LPAR5: variants seen among roughly 807,000 people sequenced by gnomAD.
LPAR5 encodes G protein-coupled receptor 92.
For synonymous variants in LPAR5, 271 were observed against 261.6 expected, an observed-to-expected ratio of 1.04 and a Z score of -0.35; for missense variants, 544 against 521.8, an observed-to-expected ratio of 1.04 and a Z score of -0.41.
rs1436830945 is a variant in LPAR5, at chr12:6,631,205, CACAG to C, written c.-217+4698_-217+4701del. Among the ~76,000 whole-genome samples the C allele has an allele frequency of 5.9e-5, 9 of 152,312 alleles. No homozygotes were observed. In the East Asian group the frequency reaches 1.7e-3, roughly 29 times the overall value. Reference sequence around the variant, plus strand: ...GTATACCACTCATTACACGTGTGTGCACAGACACATATACACACACGCTAAGAGA... The same window carrying C: ...GTATACCACTCATTACACGTGTGTGCACACATATACACACACGCTAAGAGA... On this transcript the variant is annotated intron_variant, in intron 1 of 1. Transcript: ENST00000329858.
chr12:6,628,225 A>G (rs535790043), intron 1 of LPAR5, among the ~76,000 whole-genome samples: 4 of 151,884 alleles, frequency 2.6e-5, no homozygotes, highest in South Asian at 2.1e-4. Flanking sequence ...GTTTCACTGT[A>G]TTAGCCAGGA....
At chr12:6,625,493 G>A (rs1179244213) in intron 1 of LPAR5, among the ~76,000 whole-genome samples, 10 of 147,220 alleles carry the variant, frequency 6.8e-5, no homozygotes, top group Middle Eastern at 4.0e-3. Context: ...AGGCCAAGGC[G>A]GGCGGATCAC....
intron 1 of LPAR5, among the ~76,000 whole-genome samples, chr12:6,632,882 C>T (rs375848194): frequency 2.0e-5 from 3 of 152,152 alleles, no homozygotes; most frequent in East Asian, 1.9e-4. Flanking sequence ...GTCTCTGGCA[C>T]GGATCCCGGG....
chr12:6,630,086 G>A (rs969731705), intron 1 of LPAR5, among the ~76,000 whole-genome samples: 9 of 152,084 alleles, frequency 5.9e-5, no homozygotes, highest in East Asian at 1.9e-4. Flanking sequence ...AGGAAATGGC[G>A]ATGCTCTCTT....
At chr12:6,627,772 C>T (rs2136243416) in intron 1 of LPAR5, among the ~76,000 whole-genome samples, 1 of 152,210 alleles carries the variant, frequency 6.6e-6, no homozygotes, top group East Asian at 1.9e-4. Context: ...TTAGCAGGTC[C>T]TGAGCGATAC....
At chr12:6,624,966 T>A (rs1036939028) in intron 1 of LPAR5, among the ~76,000 whole-genome samples, 1 of 152,178 alleles carries the variant, frequency 6.6e-6, no homozygotes, top group Admixed American at 6.5e-5. Context: ...TTGTATAATG[T>A]TTTGCTCATC....
chr12:6,632,902 G>A (rs936128712), intron 1 of LPAR5, among the ~76,000 whole-genome samples: 3 of 152,134 alleles, frequency 2.0e-5, no homozygotes, highest in Non-Finnish European at 2.9e-5. Flanking sequence ...GTGTCAGGTC[G>A]TGTCTTCCCT....
Position 6,620,269 on chromosome 12 carries a change from G to A in LPAR5, c.980C>T (p.Ala327Val), listed in dbSNP as rs773509181. 2 of 1,605,894 alleles carry A rather than the reference G, an allele frequency of 1.2e-6. No homozygotes were observed. The highest frequency in any genetic ancestry group is 2.2e-5 in the South Asian group (2 of 90,430). Residue 327 changes from alanine to valine, a missense_variant, in exon 2 of 2, where the codon GCG becomes GTG. By Grantham distance (64) the Ala-to-Val change is moderately conservative. Coordinates refer to ENST00000329858, the MANE Select transcript of LPAR5 (RefSeq NM_020400.6). This position sits in a 1 kb window ranked among gnomAD's most constrained non-coding sequence, Gnocchi z 6.8. ...ARTSATNGTR[A>V]ALAQSERSAV... is the part of the protein sequence containing the mutation. Reference sequence around the variant, plus strand: ...GGACCTTTCGGATTGCGCGAGCGCCGCCCGCGTCCCGTTGGTGGCCGAGGT... The same window carrying A: ...GGACCTTTCGGATTGCGCGAGCGCCACCCGCGTCCCGTTGGTGGCCGAGGT...
At chr12:6,629,992 C>G (rs1350772369) in intron 1 of LPAR5, among the ~76,000 whole-genome samples, 1 of 152,044 alleles carries the variant, frequency 6.6e-6, no homozygotes, top group Non-Finnish European at 1.5e-5. Context: ...CCACTGCACT[C>G]CAGCCTGGGT....
intron 1 of LPAR5, among the ~76,000 whole-genome samples, chr12:6,626,748 A>G (rs1948943078): frequency 6.6e-6 from 1 of 152,096 alleles, no homozygotes; most frequent in African/African-American, 2.4e-5. Flanking sequence ...CCGTTCTCCA[A>G]CTGGCAAGCC....
chr12:6,619,420 G>A lies in LPAR5; in HGVS notation c.*710C>T, dbSNP rs991230551. On this transcript the variant is annotated 3_prime_UTR_variant, in exon 2 of 2. Coordinates refer to ENST00000329858, the MANE Select transcript of LPAR5 (RefSeq NM_020400.6). ...AGAGAGAAAAAGAAAGAATATTAAG[G>A]ACCTAAAATGGAGGAGGCCTGGAAA... 1.3e-5 allele frequency: 2 copies of A among 153,666 alleles called. No homozygotes were observed. The highest frequency in any genetic ancestry group is 2.9e-5 in the Non-Finnish European group (2 of 69,084). 9.5% of individuals were successfully genotyped at this position (153,666 alleles called of 1,614,324 possible).
rs145165807 is a variant in LPAR5 at position 6,628,473 on chromosome 12, T to C, written c.-216-7009A>G. On this transcript the variant is annotated intron_variant, in intron 1 of 1. Coordinates refer to ENST00000329858, the MANE Select transcript of LPAR5 (RefSeq NM_020400.6). ...TTCCTTCCTTCCTTCCTTTTCTTTT[T>C]TGAGATGGAGTTTCGCATGCTCTGT... is the stretch of plus-strand genomic sequence containing the variant. Among the ~76,000 whole-genome samples, 28 of 152,076 alleles carry C rather than the reference T, an allele frequency of 1.8e-4. No homozygotes were observed. In the East Asian group the frequency reaches 5.4e-3, roughly 29 times the overall value.
In LPAR5 at chr12:6,620,679, G is replaced by T; in HGVS notation, c.570C>A (p.Pro190=). ...CCAGCGCCTCGGCCAGCAGCACGAG[G>T]GGCAGCAGCCTGCCTTTCCACAGCT... ...SDELWKGRLL[P]LVLLAEALGF... The change falls in exon 2 of 2, where the codon CCC becomes CCA. Residue 190 remains proline, a synonymous_variant. Transcript: ENST00000329858. This position sits in a 1 kb window ranked among gnomAD's most constrained non-coding sequence, Gnocchi z 6.8. 1.3e-6 allele frequency: 2 copies of T among 1,566,070 alleles called. No homozygotes were observed. The highest frequency in any genetic ancestry group is 8.7e-7 in the Non-Finnish European group (1 of 1,155,362).
chr12:6,620,683 A>T lies in LPAR5; in HGVS notation c.566T>A (p.Leu189Gln). ...FSDELWKGRL[L>Q]PLVLLAEALG... ...CGCCTCGGCCAGCAGCACGAGGGGC[A>T]GCAGCCTGCCTTTCCACAGCTCGTC... The change falls in exon 2 of 2, where the codon CTG (leucine) becomes CAG (glutamine). Residue 189 changes from leucine to glutamine, a missense_variant. Leu to Gln is a moderately radical substitution (Grantham distance 113). Transcript: ENST00000329858. This position sits in a 1 kb window ranked among gnomAD's most constrained non-coding sequence, Gnocchi z 6.8. The T allele has an allele frequency of 1.3e-6, 2 of 1,568,114 alleles. No homozygotes were observed. The highest frequency in any genetic ancestry group is 1.7e-6 in the Non-Finnish European group (2 of 1,156,408).
chr12:6,629,233 A>G (rs1483218043), intron 1 of LPAR5, among the ~76,000 whole-genome samples: 1 of 150,504 alleles, frequency 6.6e-6, no homozygotes, highest in Non-Finnish European at 1.5e-5. Flanking sequence ...AAAATTAGCC[A>G]GGGGTGGTGG....
rs1948872368 is a variant in LPAR5 at position 6,619,891 on chromosome 12, C to T, written c.*239G>A. The T allele has an allele frequency of 2.9e-6, 2 of 700,800 alleles. No homozygotes were observed. Among genetic ancestry groups the T allele is most frequent in the South Asian group, 3.0e-5 (2 of 66,666 alleles). The allele number at this position is 700,800 out of a possible 1,614,324, so 43.4% of individuals were successfully genotyped here. A position where few individuals can be genotyped will look rare whatever the true frequency, so the allele number is the denominator to read the frequency against. ...CTCTGCACGGGTGGGCTCTCTGCAT[C>T]ACTTCCCACCGCTGGAGAAGGGGTG... On this transcript the variant is annotated 3_prime_UTR_variant, in exon 2 of 2. Transcript: ENST00000329858.
rs541873690 is a variant in LPAR5 at position 6,622,961 on chromosome 12, C to T, written c.-216-1497G>A. Among the ~76,000 whole-genome samples the T allele has an allele frequency of 2.0e-5, 3 of 150,328 alleles. No individual in the cohort carries two copies. In the South Asian group the frequency reaches 6.3e-4, roughly 32 times the overall value. On this transcript the variant is annotated intron_variant, in intron 1 of 1. Transcript: ENST00000329858. The stretch of plus-strand genomic sequence containing the variant: ...AAAAAGAAAGAAAGAGGGCCAGGGC[C>T]GGCGTAGTGGCCCACACCTGTAATC...
rs115399915 is a variant in LPAR5 at position 6,620,243 on chromosome 12, C to T, written c.1006G>A (p.Ala336Thr). 2.2e-4 allele frequency: 362 copies of T among 1,610,340 alleles called. 1 individual carries two copies. In the East Asian group the frequency reaches 7.5e-3, roughly 33 times the overall value. ...RAALAQSERS[A>T]VTTDATRPDA... is the part of the protein sequence containing the mutation. ...GGCCTGGTGGCGTCGGTGGTGACGGCGGACCTTTCGGATTGCGCGAGCGCC... is the reference window on the plus strand; with the variant it reads ...GGCCTGGTGGCGTCGGTGGTGACGGTGGACCTTTCGGATTGCGCGAGCGCC... The change falls in exon 2 of 2, where the codon GCC becomes ACC. Residue 336 changes from alanine to threonine, a missense_variant. Ala to Thr is a moderately conservative substitution (Grantham distance 58). Coordinates refer to ENST00000329858, the MANE Select transcript of LPAR5 (RefSeq NM_020400.6). The surrounding 1 kb of genome is among the most constrained non-coding windows in gnomAD (Gnocchi z 6.8).
chr12:6,620,575 TGCGTGGCGTCGGG>T lies in LPAR5; in HGVS notation c.661_673del (p.Pro221ArgfsTer55). ...CACGGTCTTCCGCCGCCGCTGGCTC[TGCGTGGCGTCGGG>T]GCGCGCCAGCGTCCAGAAGACTCGG... On this transcript the variant is annotated frameshift_variant, in exon 2 of 2. Coordinates refer to ENST00000329858, the MANE Select transcript of LPAR5 (RefSeq NM_020400.6). LOFTEE classifies it low-confidence loss of function (END_TRUNC). This position sits in a 1 kb window ranked among gnomAD's most constrained non-coding sequence, Gnocchi z 6.8. 3 of 1,553,216 alleles carry T rather than the reference TGCGTGGCGTCGGG, an allele frequency of 1.9e-6. No homozygotes were observed. The highest frequency in any genetic ancestry group is 2.6e-6 in the Non-Finnish European group (3 of 1,148,674).
Sources: gnomAD v4.1 joint callset for allele counts (sites outside exome capture counted in the v4.1 genomes callset) on GRCh38, gnomAD v4.1.1 for gene constraint, Gnocchi (gnomAD v3.1) non-coding constraint, MANE v1.5 for transcripts, NCBI Gene and HGNC (gene_info 2026-07-23, HGNC 2026-07-21) for gene names.